The following FCHSD2 variants were observed in gnomAD, a reference collection of about 807,000 sequenced individuals.
FCHSD2 encodes the protein F-BAR and double SH3 domains protein 2.
In FCHSD2, 38 loss-of-function variants were observed where a neutral mutation model predicts 108.1. The observed-to-expected ratio is 0.35, with a 90% CI of 0.27 to 0.46. The LOEUF is 0.46. Ranked by LOEUF, FCHSD2 falls within the 20% of genes least tolerant of loss-of-function variation. The probability of loss-of-function intolerance (pLI) is 1.00; values close to 1 mark genes in which losing one functional copy is unlikely to be tolerated. For missense variants in FCHSD2, 751 were observed against 897.8 expected, an observed-to-expected ratio of 0.84 and a Z score of 2.09; for synonymous variants, 279 against 314.7, an observed-to-expected ratio of 0.89 and a Z score of 1.20.
intron 2 of FCHSD2, among the ~76,000 whole-genome samples, chr11:73,084,300 T>C (rs1487403617): frequency 2.0e-5 from 3 of 152,204 alleles, no homozygotes; most frequent in African/African-American, 7.2e-5. Context: ...TACAAAACAA[T>C]GTACAAGGCC....
chr11:73,111,720 G>A (rs749089733), intron 2 of FCHSD2, among the ~76,000 whole-genome samples: 2 of 151,564 alleles, frequency 1.3e-5, no homozygotes, highest in Non-Finnish European at 2.9e-5. Flanking sequence ...CTCTGGTGGG[G>A]TGTTTTAATT....
intron 4 of FCHSD2, among the ~76,000 whole-genome samples, chr11:73,004,279 T>C (rs1857693670): frequency 6.6e-6 from 1 of 152,136 alleles, no homozygotes; most frequent in African/African-American, 2.4e-5. Flanking sequence ...GAGGAGAAAA[T>C]TGAGGCTCAG....
intron 3 of FCHSD2, among the ~76,000 whole-genome samples, chr11:73,077,328 A>G (rs1409850053): frequency 1.3e-5 from 2 of 152,124 alleles, no homozygotes; most frequent in African/African-American, 4.8e-5. Flanking sequence ...GCATCATTAG[A>G]TATTAGGTAA....
At chr11:73,021,939 G>A (rs1319936745) in intron 3 of FCHSD2, among the ~76,000 whole-genome samples, 1 of 151,920 alleles carries the variant, frequency 6.6e-6, no homozygotes, top group Non-Finnish European at 1.5e-5. Flanking sequence ...AGGCCTGGTG[G>A]TGCACACCTG....
chr11:72,867,701 C>T lies in FCHSD2; in HGVS notation c.1308+164G>A, dbSNP rs76727972. ...TCATTTTTTCCTCTCTTTCACTTCCCGCAATAATTTTAAATCAATTAGTGA... is the reference window on the plus strand; with the variant it reads ...TCATTTTTTCCTCTCTTTCACTTCCTGCAATAATTTTAAATCAATTAGTGA... On this transcript the variant is annotated intron_variant, in intron 13 of 19. Coordinates refer to ENST00000409418, the MANE Select transcript of FCHSD2 (RefSeq NM_014824.3). 9.2e-3 allele frequency among the ~76,000 whole-genome samples: 1,395 copies of T among 151,978 alleles called. 22 individuals carry two copies. The highest frequency in any genetic ancestry group is 0.031 in the African/African-American group (1,267 of 41,460).
intron 8 of FCHSD2, among the ~76,000 whole-genome samples, chr11:72,928,804 G>T (rs901964076): frequency 2.0e-5 from 3 of 152,052 alleles, no homozygotes; most frequent in Non-Finnish European, 2.9e-5. Flanking sequence ...CATGTGCCAT[G>T]TTGGTGTGCT....
intron 9 of FCHSD2, among the ~76,000 whole-genome samples, chr11:72,915,570 C>T (rs373902675): frequency 4.5e-3 from 687 of 152,172 alleles, no homozygotes; most frequent in Middle Eastern, 6.8e-3. Context: ...TGCCTGTAAC[C>T]CCAGCACTTT....
chr11:73,019,758 TTTCTG>T (rs1409535908), intron 3 of FCHSD2, among the ~76,000 whole-genome samples: 9 of 152,170 alleles, frequency 5.9e-5, no homozygotes, highest in Non-Finnish European at 1.2e-4. Context: ...ATATTGCACA[TTTCTG>T]AAAGCATTCT....
At position 72,916,709 on chromosome 11, in the gene FCHSD2, G is replaced by A. The variant is rs72977499; in HGVS notation, c.828+5119C>T. On this transcript the variant is annotated intron_variant, in intron 9 of 19. Transcript: ENST00000409418. ...ATGAAACTTTTATCAGATATGTGAT[G>A]TGCAAATATTTTCTCTCATCATTTG... 6.9e-3 allele frequency among the ~76,000 whole-genome samples: 1,052 copies of A among 152,224 alleles called. 8 individuals are homozygous for A. Among genetic ancestry groups the A allele is most frequent in the African/African-American group, 0.024 (997 of 41,536 alleles).
chr11:73,094,473 C>T (rs368803817), intron 2 of FCHSD2, among the ~76,000 whole-genome samples: 1 of 152,084 alleles, frequency 6.6e-6, no homozygotes, highest in Non-Finnish European at 1.5e-5. Flanking sequence ...AATATTTATA[C>T]CATCTTTAGT....
At chr11:72,992,522 G>A (rs889825195) in intron 5 of FCHSD2, among the ~76,000 whole-genome samples, 59 of 152,076 alleles carry the variant, frequency 3.9e-4, no homozygotes, top group African/African-American at 1.1e-3. Context: ...ACAAGGCTAC[G>A]GTAACCAAAA....
chr11:72,940,704 TG>T, intron 8 of FCHSD2: 1 of 1,048,664 alleles, frequency 9.5e-7, no homozygotes, highest in Non-Finnish European at 1.5e-6. Context: ...TTCACCGTGG[TG>T]GCAGAAAACG....
intron 2 of FCHSD2, among the ~76,000 whole-genome samples, chr11:73,084,382 C>G (rs1265068990): frequency 6.6e-6 from 1 of 151,856 alleles, no homozygotes; most frequent in East Asian, 1.9e-4. Flanking sequence ...TAAGGTATAC[C>G]CTTTTCTTTT....
Position 73,088,037 on chromosome 11 carries a change from A to C in FCHSD2, c.120-4297T>G, listed in dbSNP as rs1338010963. Among the ~76,000 whole-genome samples, 4 of 152,068 alleles carry C rather than the reference A, an allele frequency of 2.6e-5. No individual in the cohort carries two copies. The East Asian group carries it at 7.7e-4, about 29-fold the overall frequency. ...TAGGACTACAGGCACATGCCACCAC[A>C]TGTGGCTAATTATTGTTGTTGTTCC... On this transcript the variant is annotated intron_variant, in intron 2 of 19. Coordinates refer to ENST00000409418, the MANE Select transcript of FCHSD2 (RefSeq NM_014824.3).
chr11:72,978,549 T>G (rs1857151624), intron 8 of FCHSD2, among the ~76,000 whole-genome samples: 1 of 152,118 alleles, frequency 6.6e-6, no homozygotes, highest in South Asian at 2.1e-4. Flanking sequence ...CCCACTCAAA[T>G]CTCATCATCT....
chr11:72,962,586 T>C (rs1342127789), intron 8 of FCHSD2, among the ~76,000 whole-genome samples: 5 of 90,694 alleles, frequency 5.5e-5, no homozygotes, highest in Non-Finnish European at 1.1e-4. Flanking sequence ...ACTAAGGATA[T>C]GAACTAAATT....
At chr11:72,976,492 C>T (rs544620004) in intron 8 of FCHSD2, among the ~76,000 whole-genome samples, 78 of 152,204 alleles carry the variant, frequency 5.1e-4, no homozygotes, top group African/African-American at 1.9e-3. Context: ...GCTGCCCAGG[C>T]TGGTCTCAAA....
Position 72,842,635 on chromosome 11 carries a change from T to A in FCHSD2, c.1912A>T (p.Met638Leu). The change falls in exon 17 of 20, where the codon ATG becomes TTG. Residue 638 changes from methionine (M) to leucine (L), a missense_variant. Transcript: ENST00000409418. ...SASENGDTPW[M>L]REIQISPSPK... is the part of the protein sequence containing the mutation. Reference sequence around the variant, plus strand: ...CTCTCAGGTACCTGAATCTCTCTCATCCATGGAGTGTCACCATTTTCTGAG... The same window carrying A: ...CTCTCAGGTACCTGAATCTCTCTCAACCATGGAGTGTCACCATTTTCTGAG... 1 of 1,614,006 alleles carries A rather than the reference T, an allele frequency of 6.2e-7. No homozygotes were observed. Among genetic ancestry groups the A allele is most frequent in the South Asian group, 1.1e-5 (1 of 91,090 alleles).
chr11:72,996,444 T>C (rs1857520878), intron 5 of FCHSD2, among the ~76,000 whole-genome samples: 1 of 152,212 alleles, frequency 6.6e-6, no homozygotes, highest in Non-Finnish European at 1.5e-5. Context: ...CGGACAAAAG[T>C]ATGGTTAAGT....
Sources: allele counts gnomAD v4.1 joint callset (sites outside exome capture counted in the v4.1 genomes callset), GRCh38; gene constraint gnomAD v4.1.1; transcripts MANE v1.5; gene names NCBI Gene and HGNC (gene_info 2026-07-23, HGNC 2026-07-21).